Variants in RBPMS observed in about 807,000 individuals in gnomAD.
RBPMS encodes RNA-binding protein with multiple splicing.
A neutral mutation model predicts 26.8 loss-of-function variants in RBPMS; 7 were observed. The observed-to-expected ratio is 0.26, with a 90% CI of 0.15 to 0.49. The LOEUF is 0.49. RBPMS is among the 20% of genes least tolerant of loss of function. The pLI is 0.98. For missense variants in RBPMS, 186 were observed against 250.0 expected (o/e 0.74, Z 1.73); for synonymous variants, 96 against 93.3 (o/e 1.03, Z -0.17).
At chr8:30,479,131 T>TG (rs1350510400) in intron 3 of RBPMS, among the ~76,000 whole-genome samples, 184 bp from the exon 4 acceptor site, 1 of 152,208 alleles carries the variant, frequency 6.6e-6, no homozygotes, top group Non-Finnish European at 1.5e-5. Flanking sequence ...ACCATCCCTT[T>TG]GATTCATATT....
At chr8:30,486,310 A>G (rs1350395990) in intron 4 of RBPMS, among the ~76,000 whole-genome samples, 2 of 152,034 alleles carry the variant, frequency 1.3e-5, no homozygotes, top group East Asian at 3.9e-4. Flanking sequence ...ACTGCATTCC[A>G]GCCTGGATGA....
intron 1 of RBPMS, among the ~76,000 whole-genome samples, chr8:30,391,972 G>T (rs1262283056): frequency 6.6e-6 from 1 of 152,000 alleles, no homozygotes; most frequent in East Asian, 1.9e-4. Context: ...TGATTGTGCT[G>T]CTTTGATGGG....
chr8:30,459,287 T>TTTTTTTG (rs781684845), intron 1 of RBPMS, among the ~76,000 whole-genome samples: 31 of 151,902 alleles, frequency 2.0e-4, no homozygotes, highest in Non-Finnish European at 2.8e-4. Context: ...GTTTGTGGTT[T>TTTTTTTG]TTTTTTGTTT....
At chr8:30,387,288 T>C (rs544304926) in intron 1 of RBPMS, 2 of 152,208 alleles carry the variant, frequency 1.3e-5, no homozygotes, top group African/African-American at 2.4e-5. Context: ...ATGTCAGAAA[T>C]TGAGGAAAAG....
chr8:30,473,418 A>G (rs1817352468), intron 1 of RBPMS, among the ~76,000 whole-genome samples: 1 of 152,146 alleles, frequency 6.6e-6, no homozygotes, highest in Non-Finnish European at 1.5e-5. Context: ...TTTGCACTAT[A>G]TGTATTTACA....
chr8:30,438,750 G>A (rs1334300940), intron 1 of RBPMS, among the ~76,000 whole-genome samples: 1 of 151,414 alleles, frequency 6.6e-6, no homozygotes, highest in South Asian at 2.1e-4. Flanking sequence ...TATATAGAGA[G>A]ATAGGAAGAT....
At chr8:30,485,936 T>A (rs1464376955) in intron 4 of RBPMS, among the ~76,000 whole-genome samples, 2 of 152,210 alleles carry the variant, frequency 1.3e-5, no homozygotes, top group Non-Finnish European at 2.9e-5. Context: ...AAAGTTGTTG[T>A]GAAAAAACAA....
intron 1 of RBPMS, among the ~76,000 whole-genome samples, chr8:30,449,956 T>C (rs1011830389): frequency 6.6e-6 from 1 of 152,274 alleles, no homozygotes; most frequent in African/African-American, 2.4e-5. Context: ...TTAGTTACAC[T>C]TCAAGTCAAC....
intron 1 of RBPMS, among the ~76,000 whole-genome samples, chr8:30,425,793 C>G (rs1585418780): frequency 6.6e-6 from 1 of 152,144 alleles, no homozygotes. Context: ...AACATTTTTA[C>G]AGACATTAAC....
intron 6 of RBPMS, chr8:30,544,865 ATC>A (rs1408650281): frequency 6.6e-6 from 10 of 1,508,900 alleles, no homozygotes; most frequent in Non-Finnish European, 7.1e-6. Context: ...TTCCTTAATG[ATC>A]TCACCTCATA....
At chr8:30,386,241 C>G (rs979127640) in intron 1 of RBPMS, among the ~76,000 whole-genome samples, 2 of 152,182 alleles carry the variant, frequency 1.3e-5, no homozygotes, top group Non-Finnish European at 1.5e-5. Flanking sequence ...TGTTGAGACA[C>G]TATGTTGTGT....
chr8:30,486,157 G>T (rs1818742526), intron 4 of RBPMS, among the ~76,000 whole-genome samples: 1 of 151,990 alleles, frequency 6.6e-6, no homozygotes, highest in African/African-American at 2.4e-5. Context: ...GACCAGCCTG[G>T]TCCAACATGG....
At chr8:30,504,787 C>T (rs1284220406) in intron 5 of RBPMS, among the ~76,000 whole-genome samples, 1 of 152,130 alleles carries the variant, frequency 6.6e-6, no homozygotes, top group Non-Finnish European at 1.5e-5. Flanking sequence ...TCAGCATTTA[C>T]TTTAATCCAT....
intron 5 of RBPMS, among the ~76,000 whole-genome samples, chr8:30,513,801 C>T (rs957153512): frequency 6.6e-6 from 1 of 152,104 alleles, no homozygotes; most frequent in African/African-American, 2.4e-5. Context: ...TTTCTCACCT[C>T]ACTTGCTCAT....
intron 6 of RBPMS, among the ~76,000 whole-genome samples, chr8:30,555,152 C>G (rs1427862080): frequency 6.6e-6 from 1 of 152,146 alleles, no homozygotes; most frequent in Non-Finnish European, 1.5e-5. Context: ...GATTTTTACT[C>G]TGAGTTGCTT....
intron 5 of RBPMS, among the ~76,000 whole-genome samples, chr8:30,521,477 T>C (rs1050151194): frequency 6.6e-6 from 1 of 152,220 alleles, no homozygotes; most frequent in Admixed American, 6.5e-5. Context: ...TAGATGAACT[T>C]TGTCAACAAA....
At chr8:30,467,141 C>T (rs1228798076) in intron 1 of RBPMS, among the ~76,000 whole-genome samples, 1 of 152,218 alleles carries the variant, frequency 6.6e-6, no homozygotes, top group Non-Finnish European at 1.5e-5. Context: ...AAATGCTTGA[C>T]AGGCCATATT....
At chr8:30,570,242 CAAAT>C (rs1337160702) in intron 8 of RBPMS, among the ~76,000 whole-genome samples, 2 of 152,214 alleles carry the variant, frequency 1.3e-5, no homozygotes, top group Non-Finnish European at 2.9e-5. Context: ...TTTCGGCACA[CAAAT>C]AAGCATCTCC....
chr8:30,526,036 C>G (rs1823545290), intron 5 of RBPMS, among the ~76,000 whole-genome samples: 1 of 152,232 alleles, frequency 6.6e-6, no homozygotes, highest in Admixed American at 6.5e-5. Context: ...AAAGCCATTT[C>G]TGATAGATGG....
Sources: gnomAD v4.1 joint callset for allele counts (sites outside exome capture counted in the v4.1 genomes callset) on GRCh38, gnomAD v4.1.1 for gene constraint, MANE v1.5 for transcripts, NCBI Gene and HGNC (gene_info 2026-07-23, HGNC 2026-07-21) for gene names.